The following LETM2 variants were observed in gnomAD, a reference collection of about 807,000 sequenced individuals.
LETM2 encodes the protein leucine zipper and EF-hand containing transmembrane protein 2, also known as LETM1 domain-containing protein LETM2, mitochondrial.
LETM2 carries 58 observed loss-of-function variants against 59.6 expected under a neutral mutation model. That is an observed-to-expected ratio of 0.97 (90% CI 0.79 to 1.21). The LOEUF is 1.21. LETM2 is among the 50% of genes most tolerant of loss of function. The pLI is 0.00. For missense variants in LETM2, 572 were observed against 575.7 expected (o/e 0.99, Z 0.07); for synonymous variants, 199 against 214.1 (o/e 0.93, Z 0.62).
chr8:38,401,952 A>G (rs757497378), intron 6 of LETM2, among the ~76,000 whole-genome samples: 3 of 152,192 alleles, frequency 2.0e-5, no homozygotes, highest in Non-Finnish European at 2.9e-5. Flanking sequence ...AGAACTGAGA[A>G]AGCATGATCC....
At chr8:38,399,504 G>A (rs1413237563) in intron 4 of LETM2, among the ~76,000 whole-genome samples, 6 of 152,072 alleles carry the variant, frequency 3.9e-5, no homozygotes, top group Admixed American at 2.0e-4. Context: ...TTGTCTGGGC[G>A]CTGTGGCTCA....
At position 38,404,474 on chromosome 8, in the gene LETM2, C is replaced by T; in HGVS notation, c.1186C>T (p.Pro396Ser). 1 of 1,613,964 alleles carries T rather than the reference C, an allele frequency of 6.2e-7. No individual in the cohort carries two copies. The highest frequency in any genetic ancestry group is 1.3e-5 in the African/African-American group (1 of 75,018). Residue 396 changes from proline to serine, a missense_variant, in exon 8 of 11, where the codon CCC becomes TCC. Physicochemically the swap from Pro to Ser is moderately conservative, Grantham distance 74. Transcript: ENST00000379957. ...CACCTTCTACCTGATAGATGTGAAG[C>T]CCAAGCCGATTGAGATACCACTCAG... ...SRTFYLIDVK[P>S]KPIEIPLSGE... is the part of the protein sequence containing the mutation.
At chr8:38,389,592 C>T (rs899980797) in intron 2 of LETM2, among the ~76,000 whole-genome samples, 9 of 152,092 alleles carry the variant, frequency 5.9e-5, no homozygotes, top group African/African-American at 9.7e-5. Flanking sequence ...ATTCAAAGAG[C>T]GTTTTATCTT....
chr8:38,382,679 T>A (rs147143699), upstream of LETM2: 9 of 152,154 alleles, frequency 5.9e-5, no homozygotes, highest in Admixed American at 3.9e-4. This position sits in a 1 kb window ranked among gnomAD's most constrained non-coding sequence, Gnocchi z 4.2. Context: ...CTCTAGCTCT[T>A]AAGGGTTAGA....
At chr8:38,407,327 A>C (rs745351619) in intron 9 of LETM2, 35 bp from the exon 10 acceptor site, 1 of 1,459,410 alleles carries the variant, frequency 6.9e-7, no homozygotes, top group East Asian at 2.3e-5. Context: ...TTTTCTTTTA[A>C]ATCAGTAACC....
intron 6 of LETM2, 85 bp downstream of exon 6, chr8:38,401,138 T>A (rs537690903): frequency 8.1e-6 from 8 of 987,040 alleles, no homozygotes; most frequent in South Asian, 6.2e-5. Context: ...GTGCAGTATT[T>A]TTTGTTTTTG....
In LETM2 at chr8:38,406,983, T is replaced by C. The variant is rs755934759; in HGVS notation, c.1256T>C (p.Phe419Ser). 2.6e-5 allele frequency: 42 copies of C among 1,612,264 alleles called. No homozygotes were observed. The East Asian group carries it at 9.1e-4, about 35-fold the overall frequency. Residue 419 changes from phenylalanine (F) to serine (S), a missense_variant, in exon 9 of 11, where the codon TTC becomes TCC. Physicochemically the swap from Phe to Ser is radical, Grantham distance 155. Coordinates refer to ENST00000379957, the MANE Select transcript of LETM2 (RefSeq NM_001286819.2). ...GATATTCTTGTGGAATTACCTACTT[T>C]CACTGAATCTAAAGAGAACATGGTG... ...KTDILVELPT[F>S]TESKENMVDL...
intron 4 of LETM2, among the ~76,000 whole-genome samples, chr8:38,398,140 TAAA>T (rs5891020): frequency 2.1e-5 from 3 of 140,172 alleles, no homozygotes; most frequent in Admixed American, 7.0e-5. Flanking sequence ...ATTTTTGTCT[TAAA>T]AAAAAAAAAA....
chr8:38,393,100 G>A (rs1448641277), intron 3 of LETM2, 105 bp downstream of exon 3: 1 of 1,013,088 alleles, frequency 9.9e-7, no homozygotes, highest in Non-Finnish European at 1.4e-6. Flanking sequence ...AAATCCCAGA[G>A]TAGGAATAAT....
intron 8 of LETM2, 81 bp downstream of exon 8, chr8:38,404,587 T>C: frequency 1.2e-6 from 1 of 865,972 alleles, no homozygotes; most frequent in South Asian, 1.4e-5. Flanking sequence ...CTCTTGCAGT[T>C]AGAGCAGGCA....
At chr8:38,392,448 G>A in intron 2 of LETM2, 94 bp from the exon 3 acceptor site, 2 of 807,208 alleles carry the variant, frequency 2.5e-6, no homozygotes, top group South Asian at 1.7e-5. Flanking sequence ...TTGACCAGAT[G>A]TACTATCTAT....
At chr8:38,384,521 A>C (rs1811694962), upstream of LETM2, among the ~76,000 whole-genome samples, 1 of 152,216 alleles carries the variant, frequency 6.6e-6, no homozygotes, top group Non-Finnish European at 1.5e-5. Flanking sequence ...TAAGACAGCA[A>C]TCTAACACAA....
chr8:38,404,420 G>A lies in LETM2; in HGVS notation c.1132G>A (p.Val378Ile), dbSNP rs1554538746. The A allele has an allele frequency of 3.1e-6, 5 of 1,613,488 alleles. No individual in the cohort carries two copies. Among genetic ancestry groups the A allele is most frequent in the African/African-American group, 1.3e-5 (1 of 74,888 alleles). Reference sequence around the variant, plus strand: ...GCAGGACCTCCACCTGAAGGAGAACGTCCCTCCTTCCCTTTTGCTCCTGTC... The same window carrying A: ...GCAGGACCTCCACCTGAAGGAGAACATCCCTCCTTCCCTTTTGCTCCTGTC... ...EWQDLHLKEN[V>I]PPSLLLLSRT... The change falls in exon 8 of 11, where the codon GTC becomes ATC. Residue 378 changes from valine to isoleucine, a missense_variant. Physicochemically the swap from Val to Ile is conservative, Grantham distance 29. Transcript: ENST00000379957.
At chr8:38,390,438 A>G (rs1044035953) in intron 2 of LETM2, among the ~76,000 whole-genome samples, 5 of 151,252 alleles carry the variant, frequency 3.3e-5, no homozygotes, top group African/African-American at 7.3e-5. Context: ...TCTTGCCAAC[A>G]TGGTGAAACC....
upstream of LETM2, among the ~76,000 whole-genome samples, chr8:38,385,540 C>G (rs949196142): frequency 2.6e-5 from 4 of 152,140 alleles, no homozygotes; most frequent in Admixed American, 6.5e-5. Context: ...ACTACAGGCG[C>G]ACGCCACCAT....
At chr8:38,382,574 C>G (rs899905928), upstream of LETM2, 12 of 153,078 alleles carry the variant, frequency 7.8e-5, no homozygotes, top group African/African-American at 2.9e-4. This position sits in a 1 kb window ranked among gnomAD's most constrained non-coding sequence, Gnocchi z 4.2. Flanking sequence ...AAGGTGGGGC[C>G]CGGGAGGTAA....
upstream of LETM2, chr8:38,382,548 C>T: frequency 6.5e-6 from 1 of 153,226 alleles, no homozygotes; most frequent in Non-Finnish European, 1.5e-5. The surrounding 1 kb of genome is among the most constrained non-coding windows in gnomAD (Gnocchi z 4.2). Context: ...CCCCGGGAAG[C>T]CGGAGGAGGC....
rs761398899 is a variant in LETM2 at position 38,404,379 on chromosome 8, C to T, written c.1105-14C>T. 1 of 1,561,150 alleles carries T rather than the reference C, an allele frequency of 6.4e-7. No homozygotes were observed. The highest frequency in any genetic ancestry group is 1.7e-5 in the Admixed American group (1 of 59,892). ...GTTCTGATTCTCACGTGTTGTTCCC[C>T]TCCCGTTCTCCAGTGGCAGGACCTC... On this transcript the variant is annotated splice_polypyrimidine_tract_variant and intron_variant, in intron 7 of 10. Transcript: ENST00000379957.
intron 3 of LETM2, 78 bp downstream of exon 3, chr8:38,393,073 C>G: frequency 8.0e-6 from 10 of 1,246,614 alleles, no homozygotes; most frequent in Non-Finnish European, 1.1e-5. Flanking sequence ...TTAAATTCAA[C>G]GTAAACTTCA....
Sources: allele counts gnomAD v4.1 joint callset (sites outside exome capture counted in the v4.1 genomes callset), GRCh38; gene constraint gnomAD v4.1.1; non-coding constraint Gnocchi (gnomAD v3.1); transcripts MANE v1.5; gene names NCBI Gene and HGNC (gene_info 2026-07-23, HGNC 2026-07-21).